PLEKHA5: variants seen among roughly 807,000 people sequenced by gnomAD.
PLEKHA5 encodes the protein pleckstrin homology domain-containing family A member 5.
In PLEKHA5, 55 loss-of-function variants were observed where a neutral mutation model predicts 181.9. The observed-to-expected ratio is 0.30, with a 90% CI of 0.24 to 0.38. PLEKHA5 has a LOEUF of 0.38. Ranked by LOEUF, PLEKHA5 falls within the 10% of genes least tolerant of loss-of-function variation. The pLI is 1.00. For synonymous variants in PLEKHA5, 535 were observed against 529.4 expected (o/e 1.01, Z -0.15); for missense variants, 1,432 against 1,549.5 (o/e 0.92, Z 1.27).
intron 4 of PLEKHA5, among the ~76,000 whole-genome samples, chr12:19,254,513 A>G (rs2066296669): frequency 6.6e-6 from 1 of 152,192 alleles, no homozygotes; most frequent in Admixed American, 6.5e-5. Flanking sequence ...TATCTGCAAT[A>G]ATGCCTATTA....
intron 30 of PLEKHA5, among the ~76,000 whole-genome samples, chr12:19,367,171 C>T (rs2095445906): frequency 6.6e-6 from 1 of 151,852 alleles, no homozygotes; most frequent in South Asian, 2.1e-4. Flanking sequence ...CAGGCATAAG[C>T]CACCATGCCC....
At chr12:19,212,748 C>A (rs1458741925) in intron 3 of PLEKHA5, among the ~76,000 whole-genome samples, 1 of 152,002 alleles carries the variant, frequency 6.6e-6, no homozygotes, top group Admixed American at 6.6e-5. Flanking sequence ...ATAAATTCAT[C>A]AAACATATCC....
In PLEKHA5 at chr12:19,287,509, G is replaced by T. The variant is rs2152825382; in HGVS notation, c.1816G>T (p.Gly606Cys). ...YVPDRRSVPA[G>C]LTLQSVSPQS... is the part of the protein sequence containing the mutation. Reference sequence around the variant, plus strand: ...GCCTGACAGAAGGTCAGTGCCAGCTGGCCTGACTTTACAGTCTGTTAGTCC... The same window carrying T: ...GCCTGACAGAAGGTCAGTGCCAGCTTGCCTGACTTTACAGTCTGTTAGTCC... The change falls in exon 13 of 32, where the codon GGC (glycine) becomes TGC (cysteine). Residue 606 changes from glycine (G) to cysteine (C), a missense_variant. By Grantham distance (159) the Gly-to-Cys change is radical. Coordinates refer to ENST00000429027, the MANE Select transcript of PLEKHA5 (RefSeq NM_001256470.2). 6.2e-7 allele frequency: 1 copy of T among 1,611,842 alleles called. No individual in the cohort carries two copies. Among genetic ancestry groups the T allele is most frequent in the East Asian group, 2.2e-5 (1 of 44,844 alleles).
intron 22 of PLEKHA5, among the ~76,000 whole-genome samples, chr12:19,345,342 G>A (rs1592575189): frequency 6.6e-6 from 1 of 151,836 alleles, no homozygotes. Flanking sequence ...AGAGGTTGCA[G>A]TGAGCCGAGA....
intron 16 of PLEKHA5, among the ~76,000 whole-genome samples, chr12:19,318,552 C>G (rs916804649): frequency 1.3e-5 from 2 of 152,022 alleles, no homozygotes; most frequent in African/African-American, 4.8e-5. Context: ...ATATTTTAAT[C>G]TAGATGAAAC....
At chr12:19,200,474 C>T (rs2152065354) in intron 3 of PLEKHA5, 2 of 1,403,456 alleles carry the variant, frequency 1.4e-6, no homozygotes, top group Non-Finnish European at 1.9e-6. Context: ...CTTCGTTATC[C>T]AGTAGCTTTC....
At chr12:19,212,116 G>A (rs75458750) in intron 3 of PLEKHA5, among the ~76,000 whole-genome samples, 7,824 of 152,186 alleles carry the variant, frequency 0.051, 380 homozygotes, top group East Asian at 0.2. Context: ...AATGACTACT[G>A]TAACAAATTA....
chr12:19,147,808 C>T (rs970930054), intron 3 of PLEKHA5, among the ~76,000 whole-genome samples: 3 of 152,080 alleles, frequency 2.0e-5, no homozygotes, highest in Non-Finnish European at 4.4e-5. Context: ...ATGATCAGAG[C>T]TCACCTCAGC....
At chr12:19,326,663 A>G (rs184482978) in intron 20 of PLEKHA5, among the ~76,000 whole-genome samples, 53 of 152,230 alleles carry the variant, frequency 3.5e-4, no homozygotes, top group African/African-American at 1.2e-3. Flanking sequence ...TGGAGTATGA[A>G]TGAGCCCATC....
chr12:19,280,913 G>C (rs1029076506), intron 11 of PLEKHA5, among the ~76,000 whole-genome samples: 4 of 151,726 alleles, frequency 2.6e-5, no homozygotes, highest in Non-Finnish European at 2.9e-5. Flanking sequence ...GTTTCACCAT[G>C]TTGGCCAAGC....
chr12:19,360,325 T>C (rs1422840446), intron 28 of PLEKHA5, among the ~76,000 whole-genome samples: 1 of 148,360 alleles, frequency 6.7e-6, no homozygotes, highest in Non-Finnish European at 1.5e-5. Context: ...AAAAAAAACG[T>C]GGCGGGCACA....
intron 3 of PLEKHA5, among the ~76,000 whole-genome samples, chr12:19,244,244 G>C (rs2063215370): frequency 6.6e-6 from 1 of 151,380 alleles, no homozygotes; most frequent in East Asian, 1.9e-4. Context: ...AAGCTAGAGA[G>C]TATAATTGTT....
chr12:19,288,468 A>C (rs1199772072), intron 13 of PLEKHA5, among the ~76,000 whole-genome samples: 1 of 152,174 alleles, frequency 6.6e-6, no homozygotes, highest in Non-Finnish European at 1.5e-5. Context: ...TTCTTTTATC[A>C]GGGGCACTGG....
At chr12:19,362,042 TGTAGTCCTA>T (rs986617467) in intron 29 of PLEKHA5, among the ~76,000 whole-genome samples, 1 of 151,460 alleles carries the variant, frequency 6.6e-6, no homozygotes, top group African/African-American at 2.4e-5. Flanking sequence ...GGCATGTGCC[TGTAGTCCTA>T]GTCTGTACTC....
intron 25 of PLEKHA5, among the ~76,000 whole-genome samples, chr12:19,352,222 T>C (rs2094634913): frequency 1.3e-5 from 2 of 150,920 alleles, no homozygotes; most frequent in Admixed American, 1.3e-4. Flanking sequence ...TGTCTGTCTC[T>C]ACAAAAAAAT....
chr12:19,242,326 C>T (rs1385042522), intron 3 of PLEKHA5, among the ~76,000 whole-genome samples: 2 of 151,990 alleles, frequency 1.3e-5, no homozygotes, highest in East Asian at 1.9e-4. Flanking sequence ...GCAGCCTCCG[C>T]GTCCTGGGTT....
At chr12:19,180,995 A>C (rs2048414020) in intron 3 of PLEKHA5, among the ~76,000 whole-genome samples, 1 of 151,432 alleles carries the variant, frequency 6.6e-6, no homozygotes, top group African/African-American at 2.4e-5. Flanking sequence ...CCACCATTCT[A>C]AAGTTTTATA....
At chr12:19,349,585 A>C (rs958819156) in intron 25 of PLEKHA5, among the ~76,000 whole-genome samples, 1 of 152,118 alleles carries the variant, frequency 6.6e-6, no homozygotes, top group African/African-American at 2.4e-5. Context: ...CGTAAAGAAA[A>C]GAGTAGAGAG....
At chr12:19,235,498 A>T (rs1412339681) in intron 3 of PLEKHA5, among the ~76,000 whole-genome samples, 1 of 152,196 alleles carries the variant, frequency 6.6e-6, no homozygotes, top group African/African-American at 2.4e-5. Context: ...AAACACTTAC[A>T]ATGTGGTAAG....
Sources: allele counts gnomAD v4.1 joint callset (sites outside exome capture counted in the v4.1 genomes callset), GRCh38; gene constraint gnomAD v4.1.1; transcripts MANE v1.5; gene names NCBI Gene and HGNC (gene_info 2026-07-23, HGNC 2026-07-21).